The following CAMTA1 variants were observed in gnomAD, a reference collection of about 807,000 sequenced individuals.
CAMTA1 encodes the protein calmodulin binding transcription activator 1.
CAMTA1 carries 27 observed loss-of-function variants against 170.9 expected under a neutral mutation model. The ratio of observed to expected loss-of-function variants is 0.16; its 90% CI spans 0.12 to 0.22. The LOEUF (loss-of-function observed/expected upper bound fraction) is 0.22, where lower values mean the gene tolerates loss of function less well. Among genes scored for constraint, CAMTA1 ranks in the 10% least tolerant of loss-of-function variants. CAMTA1 has a pLI of 1.00. For synonymous variants in CAMTA1, 833 were observed against 891.5 expected, an observed-to-expected ratio of 0.93 and a Z score of 1.17; for missense variants, 1,619 against 2,217.2, an observed-to-expected ratio of 0.73 and a Z score of 5.42.
At chr1:6,824,965 A>C in intron 2 of CAMTA1, 127 bp from the exon 3 acceptor site, 1 of 548,598 alleles carries the variant, frequency 1.8e-6, no homozygotes, top group Non-Finnish European at 3.3e-6. Flanking sequence ...TAAGAGGAAT[A>C]GTGGGGCCTC....
chr1:7,437,551 C>G (rs541781473), intron 5 of CAMTA1, among the ~76,000 whole-genome samples: 1 of 152,358 alleles, frequency 6.6e-6, no homozygotes, highest in Admixed American at 6.5e-5. Flanking sequence ...CTCCTTACAT[C>G]TGCAGAGACT....
intron 4 of CAMTA1, among the ~76,000 whole-genome samples, chr1:7,194,832 G>C (rs1447676568): frequency 6.6e-6 from 1 of 152,206 alleles, no homozygotes; most frequent in African/African-American, 2.4e-5. Flanking sequence ...CTTCTGCTAA[G>C]AGGCTTAGAA....
At chr1:6,808,313 C>T (rs1354836595) in intron 1 of CAMTA1, among the ~76,000 whole-genome samples, 1 of 151,926 alleles carries the variant, frequency 6.6e-6, no homozygotes, top group Admixed American at 6.6e-5. Context: ...CTAGTTACTT[C>T]TCCAGCTTCC....
intron 5 of CAMTA1, among the ~76,000 whole-genome samples, chr1:7,385,388 A>T (rs75086700): frequency 0.032 from 4,926 of 152,212 alleles, 121 homozygotes; most frequent in Non-Finnish European, 0.05. Flanking sequence ...CTGCTTAGAC[A>T]TTTGCTTTTG....
chr1:6,854,504 A>G (rs535129702), intron 3 of CAMTA1, among the ~76,000 whole-genome samples: 34 of 152,332 alleles, frequency 2.2e-4, no homozygotes, highest in African/African-American at 7.2e-4. Context: ...GCAACAAAAG[A>G]CTGTTGAAAA....
intron 3 of CAMTA1, among the ~76,000 whole-genome samples, chr1:7,018,144 T>TTTTTTTTTTTTTTTTTTG (rs1553219179): frequency 6.6e-6 from 1 of 151,456 alleles, no homozygotes; most frequent in Non-Finnish European, 1.5e-5. Flanking sequence ...CAGGGCTTTT[T>TTTTTTTTTTTTTTTTTTG]AACAGATGGT....
At chr1:7,220,081 G>A (rs751207291) in intron 4 of CAMTA1, among the ~76,000 whole-genome samples, 2 of 152,118 alleles carry the variant, frequency 1.3e-5, no homozygotes, top group Non-Finnish European at 2.9e-5. Context: ...ACTTTGTTAC[G>A]GAAGCCTGAG....
intron 6 of CAMTA1, among the ~76,000 whole-genome samples, chr1:7,504,927 C>T (rs12073308): frequency 0.01 from 1,498 of 143,420 alleles, 28 homozygotes; most frequent in African/African-American, 0.036. Context: ...GCCTCCTTCA[C>T]GGGCGGACAT....
At chr1:7,183,577 G>A (rs1018004174) in intron 4 of CAMTA1, among the ~76,000 whole-genome samples, 1 of 152,206 alleles carries the variant, frequency 6.6e-6, no homozygotes, top group Non-Finnish European at 1.5e-5. Flanking sequence ...CAAACACAGT[G>A]GGGTGGTTGA....
At chr1:6,945,986 TG>T (rs1687511812) in intron 3 of CAMTA1, among the ~76,000 whole-genome samples, 2 of 152,178 alleles carry the variant, frequency 1.3e-5, no homozygotes, top group Admixed American at 1.3e-4. Context: ...ATCCCTTTTG[TG>T]GGGACACATG....
At chr1:7,095,306 C>T (rs1641943827) in intron 4 of CAMTA1, among the ~76,000 whole-genome samples, 1 of 152,164 alleles carries the variant, frequency 6.6e-6, no homozygotes, top group Admixed American at 6.5e-5. Flanking sequence ...ACAAAAGTGA[C>T]ATAGAAAGGT....
chr1:6,893,209 C>T (rs918987707), intron 3 of CAMTA1, among the ~76,000 whole-genome samples: 3 of 151,740 alleles, frequency 2.0e-5, no homozygotes, highest in African/African-American at 4.8e-5. Flanking sequence ...TGCAGTCAGC[C>T]GAGATCGCGT....
intron 5 of CAMTA1, among the ~76,000 whole-genome samples, chr1:7,298,347 T>C (rs1469036640): frequency 6.6e-6 from 1 of 151,858 alleles, no homozygotes; most frequent in African/African-American, 2.4e-5. Context: ...GGTCTTTTCC[T>C]CTCTATGAAA....
At chr1:7,575,462 A>G (rs943640334) in intron 6 of CAMTA1, among the ~76,000 whole-genome samples, 14 of 152,210 alleles carry the variant, frequency 9.2e-5, no homozygotes, top group African/African-American at 3.4e-4. Context: ...CAGTTTACAG[A>G]ACATGGAACC....
In CAMTA1 at chr1:7,641,557, C is replaced by A. The variant is rs1043106757; in HGVS notation, c.664+1004C>A. Among the ~76,000 whole-genome samples the A allele has an allele frequency of 1.3e-5, 2 of 152,148 alleles. No homozygotes were observed. Among genetic ancestry groups the A allele is most frequent in the African/African-American group, 2.4e-5 (1 of 41,432 alleles). ...TACGGGCACCTGCGGTGATGCTAATCCTGAGAGTCCCCTGGGTGCTCGGAT... is the reference window on the plus strand; with the variant it reads ...TACGGGCACCTGCGGTGATGCTAATACTGAGAGTCCCCTGGGTGCTCGGAT... On this transcript the variant is annotated intron_variant, in intron 7 of 22. Transcript: ENST00000303635. The surrounding 1 kb of genome is among the most constrained non-coding windows in gnomAD (Gnocchi z 4.5).
At chr1:6,839,181 T>TA (rs1654627267) in intron 3 of CAMTA1, among the ~76,000 whole-genome samples, 2 of 151,890 alleles carry the variant, frequency 1.3e-5, no homozygotes, top group South Asian at 4.2e-4. Context: ...GGGAGATCGA[T>TA]ACCATCCTGG....
intron 5 of CAMTA1, among the ~76,000 whole-genome samples, chr1:7,422,591 A>G (rs1214995741): frequency 6.6e-6 from 1 of 152,184 alleles, no homozygotes; most frequent in Non-Finnish European, 1.5e-5. Flanking sequence ...TGGACTACAA[A>G]TATTGAAAAT....
intron 3 of CAMTA1, among the ~76,000 whole-genome samples, chr1:6,827,485 C>G (rs1250217143): frequency 6.7e-6 from 1 of 150,330 alleles, no homozygotes; most frequent in African/African-American, 2.5e-5. Flanking sequence ...GAAGACTTAC[C>G]CTACGAATTG....
At chr1:7,394,897 TC>T in intron 5 of CAMTA1, among the ~76,000 whole-genome samples, 1 of 151,740 alleles carries the variant, frequency 6.6e-6, no homozygotes, top group African/African-American at 2.4e-5. Context: ...TTTTTTGTTT[TC>T]TGAGATGGAG....
Sources: gnomAD v4.1 joint callset for allele counts (sites outside exome capture counted in the v4.1 genomes callset) on GRCh38, gnomAD v4.1.1 for gene constraint, Gnocchi (gnomAD v3.1) non-coding constraint, MANE v1.5 for transcripts, NCBI Gene and HGNC (gene_info 2026-07-23, HGNC 2026-07-21) for gene names.